GNB1: variants seen among roughly 807,000 people sequenced by gnomAD.
GNB1 encodes G protein subunit beta 1, also known as guanine nucleotide-binding protein G(I)/G(S)/G(T) subunit beta-1.
A neutral mutation model predicts 42.9 loss-of-function variants in GNB1; 2 were observed. That is an observed-to-expected ratio of 0.05 (90% CI 0.02 to 0.15). The LOEUF (loss-of-function observed/expected upper bound fraction) is 0.15, where lower values mean the gene tolerates loss of function less well. Ranked by LOEUF, GNB1 falls within the 10% of genes least tolerant of loss-of-function variation. GNB1 has a pLI of 1.00. For missense variants in GNB1, 193 were observed against 462.2 expected (o/e 0.42, Z 5.34); for synonymous variants, 183 against 174.7 (o/e 1.05, Z -0.38).
chr1:1,828,890 C>CACAT (rs1010965358), intron 2 of GNB1, among the ~76,000 whole-genome samples: 4 of 125,984 alleles, frequency 3.2e-5, no homozygotes, highest in Admixed American at 2.3e-4. Flanking sequence ...CACACATACA[C>CACAT]ACATACACAC....
intron 5 of GNB1, among the ~76,000 whole-genome samples, chr1:1,812,984 G>C (rs932638320): frequency 6.6e-6 from 1 of 152,010 alleles, no homozygotes; most frequent in African/African-American, 2.4e-5. Context: ...GCAGTGCTCT[G>C]AGTACCTGAA....
At chr1:1,805,556 T>C (rs1027212307) in intron 6 of GNB1, among the ~76,000 whole-genome samples, 3 of 152,184 alleles carry the variant, frequency 2.0e-5, no homozygotes, top group African/African-American at 7.2e-5. Context: ...AATTTTTTTT[T>C]CGAGATGGAG....
rs1646467821 is a variant in GNB1 at position 1,790,560 on chromosome 1, G to A, written c.534C>T (p.Thr178=). The A allele has an allele frequency of 6.2e-7, 1 of 1,613,692 alleles. No individual in the cohort carries two copies. Among genetic ancestry groups the A allele is most frequent in the Non-Finnish European group, 8.5e-7 (1 of 1,179,672 alleles). Residue 178 remains threonine (T), a synonymous_variant, in exon 9 of 12, where the codon ACC becomes ACT. Transcript: ENST00000378609. This position sits in a 1 kb window ranked among gnomAD's most constrained non-coding sequence, Gnocchi z 5.4. ...CATCTCCAGTGTGTCCGGTAAACGT[G>A]GTCGTCTGCTGGCCGGTCTCGATGT... is the stretch of plus-strand genomic sequence containing the variant. ...LWDIETGQQT[T]TFTGHTGDVM...
chr1:1,830,324 G>A lies in GNB1; in HGVS notation c.-46-4825C>T, dbSNP rs376215755. On this transcript the variant is annotated intron_variant, in intron 2 of 11. Coordinates refer to ENST00000378609, the MANE Select transcript of GNB1 (RefSeq NM_002074.5). ...CGCCCAGGCTGGAGTGCAGTGGCGC[G>A]ATCTCAGCTCACTGCAAGCTCCACC... Among the ~76,000 whole-genome samples the A allele has an allele frequency of 4.6e-4, 70 of 150,628 alleles. 1 individual carries two copies. The highest frequency in any genetic ancestry group is 6.9e-3 in the Middle Eastern group (2 of 290).
intron 1 of GNB1, among the ~76,000 whole-genome samples, chr1:1,860,193 C>T (rs944593186): frequency 6.6e-6 from 1 of 152,092 alleles, no homozygotes; most frequent in African/African-American, 2.4e-5. Context: ...AACTGAATAC[C>T]ACATGTTCTC....
rs1647736915 is a variant in GNB1 at position 1,847,581 on chromosome 1, C to T, written c.-95-8343G>A. On this transcript the variant is annotated intron_variant, in intron 1 of 11. Transcript: ENST00000378609. The stretch of plus-strand genomic sequence containing the variant: ...ATTGTCAATGCTATGGAAGAGAATC[C>T]CAATAGACAGAACATTGTTTAAGTC... Among the ~76,000 whole-genome samples, 3 of 152,086 alleles carry T rather than the reference C, an allele frequency of 2.0e-5. No individual in the cohort carries two copies. In the South Asian group the frequency reaches 6.2e-4, roughly 32 times the overall value.
At chr1:1,804,262 G>T (rs570110304) in intron 7 of GNB1, 157 bp downstream of exon 7, 2 of 540,812 alleles carry the variant, frequency 3.7e-6, no homozygotes, top group Admixed American at 3.0e-5. Flanking sequence ...TCACGCCACC[G>T]CACTCCAGCC....
intron 7 of GNB1, among the ~76,000 whole-genome samples, chr1:1,795,702 G>A (rs1235013003): frequency 2.6e-5 from 4 of 152,018 alleles, no homozygotes; most frequent in Non-Finnish European, 4.4e-5. Context: ...GCAGTGAGCC[G>A]AGTTCACAGC....
rs115302220 is a variant in GNB1, at chr1:1,811,774, G to A, written c.203+3982C>T. ...ATCAAACAAACACAGTTAAAGGAAT[G>A]GTATTCATAGGCCAGACGCAGTGGC... On this transcript the variant is annotated intron_variant, in intron 5 of 11. Transcript: ENST00000378609. Among the ~76,000 whole-genome samples, 1,268 of 148,808 alleles carry A rather than the reference G, an allele frequency of 8.5e-3. 21 individuals carry two copies. The highest frequency in any genetic ancestry group is 0.03 in the African/African-American group (1,217 of 40,584).
chr1:1,876,284 T>G (rs113384712), intron 1 of GNB1, among the ~76,000 whole-genome samples: 3,336 of 152,232 alleles, frequency 0.022, 132 homozygotes, highest in African/African-American at 0.077. Context: ...AGAAATCAAG[T>G]GCCCAGATCA....
rs904448034 is a variant in GNB1, at chr1:1,886,863, G to A, written c.-96+3957C>T. ...TGGGATTACAGGTGCCCAGCACCAC[G>A]CCCAGCTAATTTTTTGTAGAGAAGT... On this transcript the variant is annotated intron_variant, in intron 1 of 11. Transcript: ENST00000378609. Among the ~76,000 whole-genome samples, 25 of 152,160 alleles carry A rather than the reference G, an allele frequency of 1.6e-4. 1 individual carries two copies. Among genetic ancestry groups the A allele is most frequent in the Admixed American group, 1.1e-3 (17 of 15,270 alleles).
intron 1 of GNB1, among the ~76,000 whole-genome samples, chr1:1,887,857 C>T (rs559104465): frequency 1.3e-5 from 2 of 152,298 alleles, no homozygotes; most frequent in Non-Finnish European, 2.9e-5. Context: ...TCATGTGATC[C>T]GCCCGCCTCC....
intron 1 of GNB1, among the ~76,000 whole-genome samples, chr1:1,855,304 A>G (rs1470702844): frequency 2.4e-4 from 36 of 148,986 alleles, no homozygotes; most frequent in Non-Finnish European, 4.2e-4. Flanking sequence ...CCTGGGTGAC[A>G]CAGCAAGACA....
At chr1:1,835,132 G>A (rs987745061) in intron 2 of GNB1, among the ~76,000 whole-genome samples, 1 of 152,070 alleles carries the variant, frequency 6.6e-6, no homozygotes, top group Admixed American at 6.5e-5. Context: ...AATGGGCGGT[G>A]GGGGTTAGAA....
intron 1 of GNB1, among the ~76,000 whole-genome samples, chr1:1,872,252 AT>A (rs1649289518): frequency 6.6e-6 from 1 of 152,202 alleles, no homozygotes; most frequent in Non-Finnish European, 1.5e-5. Context: ...TGTTAGGACT[AT>A]AAGCATGAAC....
At chr1:1,852,650 T>C (rs1468851171) in intron 1 of GNB1, among the ~76,000 whole-genome samples, 1 of 151,206 alleles carries the variant, frequency 6.6e-6, no homozygotes, top group Non-Finnish European at 1.5e-5. Context: ...AGCCACTGTA[T>C]GTCAGCCTGG....
intron 1 of GNB1, 99 bp from the exon 2 acceptor site, chr1:1,839,337 T>C (rs1391829791): frequency 6.6e-6 from 1 of 152,180 alleles, no homozygotes; most frequent in Non-Finnish European, 1.5e-5. Flanking sequence ...GACACATAAA[T>C]TTGACCCTTC....
chr1:1,851,414 G>GAA (rs61558279), intron 1 of GNB1, among the ~76,000 whole-genome samples: 6 of 118,782 alleles, frequency 5.1e-5, no homozygotes, highest in African/African-American at 1.8e-4. Flanking sequence ...CCATCTCAAA[G>GAA]AAAAAAAAAA....
At chr1:1,872,268 G>A (rs1163422269) in intron 1 of GNB1, among the ~76,000 whole-genome samples, 2 of 152,120 alleles carry the variant, frequency 1.3e-5, no homozygotes, top group African/African-American at 4.8e-5. Context: ...ATGAACCACT[G>A]CACCCAGCCT....
Sources: allele counts gnomAD v4.1 joint callset (sites outside exome capture counted in the v4.1 genomes callset), GRCh38; gene constraint gnomAD v4.1.1; non-coding constraint Gnocchi (gnomAD v3.1); transcripts MANE v1.5; gene names NCBI Gene and HGNC (gene_info 2026-07-23, HGNC 2026-07-21).